Variants in ABCB7 observed in about 807,000 individuals in gnomAD.
ABCB7 encodes ATP binding cassette subfamily B member 7, also known as iron-sulfur clusters transporter ABCB7, mitochondrial.
Under a neutral mutation model 54.4 loss-of-function variants are expected in ABCB7, and 7 were observed. The observed-to-expected ratio is 0.13, with a 90% CI of 0.07 to 0.24. The LOEUF is 0.24. Among genes scored for constraint, ABCB7 ranks in the 10% least tolerant of loss-of-function variants. The probability of loss-of-function intolerance (pLI) is 1.00; values close to 1 mark genes in which losing one functional copy is unlikely to be tolerated. For synonymous variants in ABCB7, 218 were observed against 207.1 expected (o/e 1.05, Z -0.45); for missense variants, 356 against 570.4 (o/e 0.62, Z 3.83).
At chrX:75,054,050 A>G (rs891350935) in intron 15 of ABCB7, among the ~76,000 whole-genome samples, 4 of 112,419 alleles carry the variant, frequency 3.6e-5, no homozygotes, top group Non-Finnish European at 7.5e-5. Flanking sequence ...TTTAATGAAA[A>G]TGAAAAGTTT....
rs2082174333 is a variant in ABCB7, at chrX:75,156,122, T to C, written c.151A>G (p.Thr51Ala). ...WRPHQLGALG[T>A]ARAYQIPESL... ...CATCTCACCTGGTAGGCTCGAGCGG[T>C]TCCCAAGGCGCCGAGTTGATGTGGC... is the stretch of plus-strand genomic sequence containing the variant. The change falls in exon 1 of 16, where the codon ACC becomes GCC. Residue 51 changes from threonine (T) to alanine (A), a missense_variant. Thr to Ala is a moderately conservative substitution (Grantham distance 58). Transcript: ENST00000373394. The C allele has an allele frequency of 8.3e-7, 1 of 1,209,945 alleles. No homozygotes were observed. The highest frequency in any genetic ancestry group is 1.7e-5 in the African/African-American group (1 of 57,674).
chrX:75,107,054 G>C (rs1278356276), intron 3 of ABCB7, among the ~76,000 whole-genome samples: 2 of 110,928 alleles, frequency 1.8e-5, no homozygotes, highest in Non-Finnish European at 3.8e-5. Flanking sequence ...ATCTCTGGGT[G>C]CTGGAAGCGG....
intron 6 of ABCB7, among the ~76,000 whole-genome samples, chrX:75,074,342 T>G (rs1569221804): frequency 9.0e-6 from 1 of 111,086 alleles, no homozygotes; most frequent in Non-Finnish European, 1.9e-5. Flanking sequence ...TATTAAAAAG[T>G]CAAAAAATAA....
chrX:75,079,967 C>CAT (rs1343415104), intron 4 of ABCB7, among the ~76,000 whole-genome samples: 1 of 112,168 alleles, frequency 8.9e-6, no homozygotes, highest in Non-Finnish European at 1.9e-5. Flanking sequence ...GAAATGGAAT[C>CAT]ATATATAACC....
Position 75,071,515 on chromosome X carries a change from C to T in ABCB7, c.1201G>A (p.Val401Met), listed in dbSNP as rs751420864. ...ATAGCCACAGACTCATTACCTGCCA[C>T]AATTCCCTGACTGGCGAGCACCATT... The part of the protein sequence containing the change: ...AIMVLASQGI[V>M]AGTLTVGDLV... The change falls in exon 9 of 16, where the codon GTG (valine) becomes ATG (methionine). Residue 401 changes from valine to methionine, a missense_variant. By Grantham distance (21) the Val-to-Met change is conservative. Transcript: ENST00000373394. 1 of 1,211,138 alleles carries T rather than the reference C, an allele frequency of 8.3e-7. No homozygotes were observed. The highest frequency in any genetic ancestry group is 2.2e-5 in the Admixed American group (1 of 45,980).
chrX:75,067,211 A>G (rs1193415070), intron 12 of ABCB7, among the ~76,000 whole-genome samples: 3 of 111,769 alleles, frequency 2.7e-5, no homozygotes, highest in African/African-American at 9.7e-5. Flanking sequence ...ATCCTTACCA[A>G]TCTGATAGGT....
chrX:75,092,464 C>G (rs986168072), intron 4 of ABCB7, among the ~76,000 whole-genome samples: 1 of 111,284 alleles, frequency 9.0e-6, no homozygotes, highest in African/African-American at 3.3e-5. Flanking sequence ...GAAGATGAAA[C>G]TATAAATCAT....
At chrX:75,123,276 T>C (rs2081896408) in intron 1 of ABCB7, among the ~76,000 whole-genome samples, 1 of 112,009 alleles carries the variant, frequency 8.9e-6, no homozygotes, top group African/African-American at 3.2e-5. Context: ...ACATGATTTA[T>C]TGAAAAGACT....
chrX:75,130,982 A>G (rs1408961900), intron 1 of ABCB7, among the ~76,000 whole-genome samples: 1 of 110,709 alleles, frequency 9.0e-6, no homozygotes, highest in Non-Finnish European at 1.9e-5. Context: ...TCATACTGAA[A>G]GAGTCCACAG....
chrX:75,098,965 G>A lies in ABCB7; in HGVS notation c.430C>T (p.Leu144=), dbSNP rs1335837663. 4.1e-6 allele frequency: 5 copies of A among 1,209,628 alleles called. No homozygotes were observed. Among genetic ancestry groups the A allele is most frequent in the Non-Finnish European group, 5.6e-6 (5 of 895,052 alleles). Residue 144 remains leucine, a synonymous_variant, in exon 4 of 16, where the codon CTG becomes TTG. Coordinates refer to ENST00000373394, the MANE Select transcript of ABCB7 (RefSeq NM_001271696.3). The part of the protein sequence containing the change: ...PDLRARVAIS[L]GFLGGAKAMN... The stretch of plus-strand genomic sequence containing the variant: ...ACCTTTGCACCACCCAAAAATCCCA[G>A]CGAAATGGCAACTCTAGCTCGTAGA...
rs147301428 is a variant in ABCB7 at position 75,081,697 on chromosome X, G to T, written c.454-5043C>A. On this transcript the variant is annotated intron_variant, in intron 4 of 15. Transcript: ENST00000373394. ...TTCTATCAGGCTTAATAAAAACACT[G>T]AAATCCCAGCGCTTGTTAATGTTCC... is the stretch of plus-strand genomic sequence containing the variant. Among the ~76,000 whole-genome samples the T allele has an allele frequency of 7.7e-3, 862 of 111,801 alleles. 9 individuals carry two copies. The highest frequency in any genetic ancestry group is 0.027 in the African/African-American group (832 of 30,831).
rs1372091223 is a variant in ABCB7 at position 75,112,878 on chromosome X, G to A, written c.333+8C>T. ...AAGAATTTCCAGTTACTTGTTACTGGCTCTTACCCCTTCTTTTGGGTCTGT... is the reference window on the plus strand; with the variant it reads ...AAGAATTTCCAGTTACTTGTTACTGACTCTTACCCCTTCTTTTGGGTCTGT... On this transcript the variant is annotated splice_region_variant and intron_variant, in intron 3 of 15. Coordinates refer to ENST00000373394, the MANE Select transcript of ABCB7 (RefSeq NM_001271696.3). The A allele has an allele frequency of 8.4e-7, 1 of 1,196,275 alleles. No homozygotes were observed. The highest frequency in any genetic ancestry group is 3.0e-5 in the East Asian group (1 of 33,741).
chrX:75,145,868 T>C (rs2082086896), intron 1 of ABCB7, among the ~76,000 whole-genome samples: 1 of 111,534 alleles, frequency 9.0e-6, no homozygotes, highest in African/African-American at 3.3e-5. Context: ...CTTTTTAATC[T>C]GATAAACAAC....
chrX:75,155,097 T>C (rs1407462755), intron 1 of ABCB7, among the ~76,000 whole-genome samples: 1 of 112,909 alleles, frequency 8.9e-6, no homozygotes, highest in Non-Finnish European at 1.9e-5. Flanking sequence ...AACCCACCAC[T>C]GTGTTTTTCA....
intron 15 of ABCB7, among the ~76,000 whole-genome samples, chrX:75,058,189 G>T (rs1602328031): frequency 9.1e-6 from 1 of 110,484 alleles, no homozygotes; most frequent in East Asian, 2.9e-4. Flanking sequence ...CCTTTTCAGG[G>T]GTCTACAACA....
At chrX:75,089,249 G>A (rs1306446236) in intron 4 of ABCB7, among the ~76,000 whole-genome samples, 1 of 111,594 alleles carries the variant, frequency 9.0e-6, no homozygotes, top group Non-Finnish European at 1.9e-5. Flanking sequence ...ACATTTAATT[G>A]GGAAGCAATG....
At chrX:75,063,861 A>G (rs1026043668) in intron 13 of ABCB7, among the ~76,000 whole-genome samples, 12 of 112,016 alleles carry the variant, frequency 1.1e-4, no homozygotes, top group Non-Finnish European at 2.1e-4. Flanking sequence ...AGCTATTCCT[A>G]TCCCTCAAAG....
chrX:75,077,749 C>A lies in ABCB7; in HGVS notation c.454-1095G>T, dbSNP rs142823655. Among the ~76,000 whole-genome samples, 564 of 111,278 alleles carry A rather than the reference C, an allele frequency of 5.1e-3. 1 individual carries two copies. Among genetic ancestry groups the A allele is most frequent in the Middle Eastern group, 0.023 (5 of 215 alleles). On this transcript the variant is annotated intron_variant, in intron 4 of 15. Coordinates refer to ENST00000373394, the MANE Select transcript of ABCB7 (RefSeq NM_001271696.3). Reference sequence around the variant, plus strand: ...TCGACAATATCATTAAAATACACAGCACATGTTGGGATGCTTTTAAGAATG... The same window carrying A: ...TCGACAATATCATTAAAATACACAGAACATGTTGGGATGCTTTTAAGAATG...
chrX:75,106,230 A>G (rs1477876676), intron 3 of ABCB7, among the ~76,000 whole-genome samples: 1 of 111,864 alleles, frequency 8.9e-6, no homozygotes, highest in East Asian at 2.8e-4. Flanking sequence ...ACTAATATCC[A>G]GGATCTAAAA....
Sources: gnomAD v4.1 joint callset for allele counts (sites outside exome capture counted in the v4.1 genomes callset) on GRCh38, gnomAD v4.1.1 for gene constraint, MANE v1.5 for transcripts, NCBI Gene and HGNC (gene_info 2026-07-23, HGNC 2026-07-21) for gene names.